ATP9B: variants seen among roughly 807,000 people sequenced by gnomAD.
ATP9B encodes the protein ATPase phospholipid transporting 9B.
A neutral mutation model predicts 146.1 loss-of-function variants in ATP9B; 110 were observed. That is an observed-to-expected ratio of 0.75 (90% confidence interval 0.65 to 0.88). ATP9B has a LOEUF of 0.88. ATP9B is among the 40% of genes least tolerant of loss of function. ATP9B has a pLI of 0.00. For synonymous variants in ATP9B, 604 were observed against 569.7 expected (o/e 1.06, Z -0.86); for missense variants, 1,499 against 1,496.4 (o/e 1.00, Z -0.03).
chr18:79,186,367 G>A (rs535284038), intron 8 of ATP9B, among the ~76,000 whole-genome samples: 6 of 152,148 alleles, frequency 3.9e-5, no homozygotes, highest in African/African-American at 1.2e-4. Context: ...TTAAATTATC[G>A]TGAAAAGCTT....
At chr18:79,307,718 G>T (rs1255938703) in intron 15 of ATP9B, among the ~76,000 whole-genome samples, 1 of 152,186 alleles carries the variant, frequency 6.6e-6, no homozygotes, top group African/African-American at 2.4e-5. Context: ...AAAACCTACA[G>T]AAATGGTAAG....
chr18:79,235,672 C>T (rs762360511), intron 11 of ATP9B, among the ~76,000 whole-genome samples: 8 of 151,812 alleles, frequency 5.3e-5, no homozygotes, highest in Non-Finnish European at 1.0e-4. Flanking sequence ...TCCCAGCTCC[C>T]GGGAGTGTCC....
At chr18:79,157,559 T>C (rs1271382529) in intron 7 of ATP9B, among the ~76,000 whole-genome samples, 1 of 152,172 alleles carries the variant, frequency 6.6e-6, no homozygotes, top group Non-Finnish European at 1.5e-5. Flanking sequence ...TGTGAAGAAT[T>C]ATTATTAATT....
intron 9 of ATP9B, among the ~76,000 whole-genome samples, chr18:79,203,782 C>T (rs1002341629): frequency 5.9e-5 from 9 of 152,150 alleles, no homozygotes; most frequent in African/African-American, 1.7e-4. Context: ...AACCTCTAGA[C>T]CCCCAGCAGG....
Position 79,342,343 on chromosome 18 carries a change from C to T in ATP9B, c.2359C>T (p.Gln787Ter). ...AKSSHLVSRT[Q>*]DIHIFRQVTS... Reference sequence around the variant, plus strand: ...AAGTTCACATCTCGTGTCTAGAACACAAGATATTCATATTTTCAGACAGGT... The same window carrying T: ...AAGTTCACATCTCGTGTCTAGAACATAAGATATTCATATTTTCAGACAGGT... Residue 787 changes from glutamine to a stop codon, truncating the protein, a stop_gained, in exon 20 of 30, where the codon CAA (glutamine) becomes TAA (stop). Coordinates refer to ENST00000426216, the MANE Select transcript of ATP9B (RefSeq NM_198531.5). LOFTEE classifies it high-confidence loss of function. The T allele has an allele frequency of 6.2e-7, 1 of 1,612,860 alleles. No individual in the cohort carries two copies. Among genetic ancestry groups the T allele is most frequent in the South Asian group, 1.1e-5 (1 of 91,004 alleles).
intron 26 of ATP9B, chr18:79,364,138 C>T (rs998689346): frequency 2.0e-5 from 3 of 151,946 alleles, no homozygotes; most frequent in African/African-American, 7.3e-5. Context: ...TGGTGGCGCG[C>T]ACCTGTAGTC....
At chr18:79,365,347 C>G (rs2097020090) in intron 26 of ATP9B, among the ~76,000 whole-genome samples, 1 of 152,108 alleles carries the variant, frequency 6.6e-6, no homozygotes, top group Admixed American at 6.6e-5. Flanking sequence ...GAAATACCAG[C>G]AACGTGAAAG....
chr18:79,094,361 G>T (rs2074605998), intron 1 of ATP9B, among the ~76,000 whole-genome samples: 1 of 152,194 alleles, frequency 6.6e-6, no homozygotes, highest in Non-Finnish European at 1.5e-5. Flanking sequence ...TTCCAGGGTT[G>T]TTTTTTCTCA....
intron 11 of ATP9B, among the ~76,000 whole-genome samples, chr18:79,234,849 G>A (rs2095826578): frequency 1.3e-5 from 2 of 152,182 alleles, no homozygotes; most frequent in Admixed American, 6.5e-5. Context: ...TTATAAAAAT[G>A]TTTGTATTAT....
rs1568389112 is a variant in ATP9B at position 79,200,783 on chromosome 18, A to AGAG, written c.955-6153_955-6152insAGG. On this transcript the variant is annotated intron_variant, in intron 9 of 29. Coordinates refer to ENST00000426216, the MANE Select transcript of ATP9B (RefSeq NM_198531.5). ...GGAACGTTGGGGTCAGAGCAGAAGTAGTGGTGGAATTGTTTTCATCAGAAT... is the reference window on the plus strand; with the variant it reads ...GGAACGTTGGGGTCAGAGCAGAAGTAGAGGTGGTGGAATTGTTTTCATCAGAAT... Among the ~76,000 whole-genome samples, 20 of 11,502 alleles carry AGAG rather than the reference A, an allele frequency of 1.7e-3. 1 individual carries two copies. Among genetic ancestry groups the AGAG allele is most frequent in the Admixed American group, 4.7e-3 (6 of 1,264 alleles). 7.5% of individuals were successfully genotyped at this position (11,502 alleles called of 152,430 possible).
chr18:79,084,552 T>A (rs559959717), intron 1 of ATP9B, among the ~76,000 whole-genome samples: 55 of 149,642 alleles, frequency 3.7e-4, no homozygotes, highest in African/African-American at 1.1e-3. Flanking sequence ...AAAAAAAAAA[T>A]GTAAGCGTAT....
intron 25 of ATP9B, among the ~76,000 whole-genome samples, chr18:79,350,409 T>C (rs12964751): frequency 0.39 from 59,396 of 152,150 alleles, 11,764 homozygotes; most frequent in Middle Eastern, 0.54. Context: ...GACTCTCTTT[T>C]TGTGGCCCAC....
At chr18:79,115,360 G>T (rs2094051877) in intron 4 of ATP9B, 3 of 131,464 alleles carry the variant, frequency 2.3e-5, no homozygotes, top group Non-Finnish European at 4.8e-5. Flanking sequence ...GTAATTTACA[G>T]ATTCAATGCC....
chr18:79,218,418 G>C (rs569190880), intron 11 of ATP9B, among the ~76,000 whole-genome samples: 122 of 149,102 alleles, frequency 8.2e-4, no homozygotes, highest in African/African-American at 2.9e-3. Context: ...CCTGCTTCTT[G>C]TCATGTTTTC....
chr18:79,281,921 G>A (rs113406862), intron 13 of ATP9B, among the ~76,000 whole-genome samples: 197 of 152,338 alleles, frequency 1.3e-3, no homozygotes, highest in Admixed American at 4.8e-3. Flanking sequence ...AAGGATTCAC[G>A]ATTCCAGTTG....
At chr18:79,082,310 T>C (rs928297208) in intron 1 of ATP9B, among the ~76,000 whole-genome samples, 2 of 152,216 alleles carry the variant, frequency 1.3e-5, no homozygotes, top group Non-Finnish European at 2.9e-5. Context: ...CCTCTAACCT[T>C]TTTTCAAGGT....
intron 1 of ATP9B, among the ~76,000 whole-genome samples, chr18:79,076,542 G>A (rs1302079651): frequency 6.6e-6 from 1 of 152,030 alleles, no homozygotes; most frequent in Non-Finnish European, 1.5e-5. Context: ...TTTTCCTTTT[G>A]AGATAGGTGT....
At chr18:79,369,267 G>A (rs1057167001) in intron 26 of ATP9B, among the ~76,000 whole-genome samples, 3 of 151,912 alleles carry the variant, frequency 2.0e-5, no homozygotes, top group Non-Finnish European at 4.4e-5. Context: ...GGGCGTGGTG[G>A]CTCACGCCTG....
intron 7 of ATP9B, among the ~76,000 whole-genome samples, chr18:79,169,194 G>T (rs2095031746): frequency 6.6e-6 from 1 of 152,062 alleles, no homozygotes; most frequent in East Asian, 1.9e-4. Flanking sequence ...TCTTCCAAGT[G>T]GTGAACAGTG....
Sources: gnomAD v4.1 joint callset for allele counts (sites outside exome capture counted in the v4.1 genomes callset) on GRCh38, gnomAD v4.1.1 for gene constraint, MANE v1.5 for transcripts, NCBI Gene and HGNC (gene_info 2026-07-23, HGNC 2026-07-21) for gene names.